The following CAPN9 variants were observed in gnomAD, a reference collection of about 807,000 sequenced individuals.
CAPN9 encodes calpain 9, also known as calpain-9.
In CAPN9, 81 loss-of-function variants were observed where a neutral mutation model predicts 92.8. The observed-to-expected ratio is 0.87, with a 90% CI of 0.73 to 1.05. The LOEUF is 1.05. Among genes scored for constraint, CAPN9 ranks in the 50% least tolerant of loss-of-function variants. The pLI, the probability that CAPN9 is intolerant of heterozygous loss-of-function variation, is 0.00. For synonymous variants in CAPN9, 304 were observed against 328.0 expected (o/e 0.93, Z 0.79); for missense variants, 848 against 866.2 (o/e 0.98, Z 0.26).
chr1:230,788,457 A>ATGAGCTG (rs1397371233), intron 13 of CAPN9, among the ~76,000 whole-genome samples: 1 of 152,172 alleles, frequency 6.6e-6, no homozygotes, highest in Non-Finnish European at 1.5e-5. Context: ...TGGAGCCATA[A>ATGAGCTG]ATACAATGAG....
intron 2 of CAPN9, among the ~76,000 whole-genome samples, chr1:230,756,570 T>A (rs1008806941): frequency 6.6e-6 from 1 of 152,172 alleles, no homozygotes; most frequent in East Asian, 1.9e-4. Flanking sequence ...GTTGACCCTT[T>A]AACAACATGA....
At chr1:230,759,686 A>G in intron 3 of CAPN9, 56 bp downstream of exon 3, 1 of 1,150,008 alleles carries the variant, frequency 8.7e-7, no homozygotes, top group Admixed American at 2.2e-5. Context: ...GCATGAGGGC[A>G]GGTGCATTTC....
chr1:230,755,365 T>C lies in CAPN9; in HGVS notation c.242T>C (p.Leu81Pro), dbSNP rs1665156513. The change falls in exon 2 of 20, where the codon CTT becomes CCT. Residue 81 changes from leucine to proline, a missense_variant. Physicochemically the swap from Leu to Pro is moderately conservative, Grantham distance 98 (BLOSUM62 -3). Transcript: ENST00000271971. ...ATCGTGAAAAACCCAGAATTCATTC[T>C]TGGAGGGGCCACCAGGACTGATATC... ...GEIVKNPEFI[L>P]GGATRTDICQ... The C allele has an allele frequency of 6.2e-7, 1 of 1,610,760 alleles. No homozygotes were observed. Among genetic ancestry groups the C allele is most frequent in the Non-Finnish European group, 8.5e-7 (1 of 1,178,628 alleles).
Position 230,801,583 on chromosome 1 carries a change from C to G in CAPN9, c.2060C>G (p.Thr687Arg). The change falls in exon 20 of 20, where the codon ACA becomes AGA. Residue 687 changes from threonine (T) to arginine (R), a missense_variant. Coordinates refer to ENST00000271971, the MANE Select transcript of CAPN9 (RefSeq NM_006615.3). ...CTCTCTTCCCAGTTCATCCATTTGA[C>G]AATGAACATCTGAGGCTGCCTTGTA... ...HLNINEFIHLTMNI is the reference protein window; with the variant it reads ...HLNINEFIHLRMNI The G allele has an allele frequency of 6.2e-7, 1 of 1,614,008 alleles. No homozygotes were observed. The highest frequency in any genetic ancestry group is 8.5e-7 in the Non-Finnish European group (1 of 1,179,892).
chr1:230,763,494 A>G (rs556398962), intron 4 of CAPN9, among the ~76,000 whole-genome samples: 1 of 152,190 alleles, frequency 6.6e-6, no homozygotes, highest in Non-Finnish European at 1.5e-5. Context: ...GGAACCAAGA[A>G]ATTCATTTTT....
rs1665486253 is a variant in CAPN9, at chr1:230,759,530, C to T, written c.302C>T (p.Ala101Val). Residue 101 changes from alanine to valine, a missense_variant, in exon 3 of 20, where the codon GCC becomes GTC. Coordinates refer to ENST00000271971, the MANE Select transcript of CAPN9 (RefSeq NM_006615.3). The stretch of plus-strand genomic sequence containing the variant: ...TTTGCAGGAGACTGCTGGCTATTAG[C>T]CGCCATCGCCTCCCTTACGCTTAAT... The part of the protein sequence containing the change: ...QGELGDCWLL[A>V]AIASLTLNQK... The T allele has an allele frequency of 1.2e-6, 2 of 1,608,634 alleles. No individual in the cohort carries two copies. The highest frequency in any genetic ancestry group is 1.7e-6 in the Non-Finnish European group (2 of 1,177,930).
At position 230,755,364 on chromosome 1, in the gene CAPN9, C is replaced by A. The variant is rs779270065; in HGVS notation, c.241C>A (p.Leu81Ile). 3 of 1,610,426 alleles carry A rather than the reference C, an allele frequency of 1.9e-6. No homozygotes were observed. The highest frequency in any genetic ancestry group is 8.5e-7 in the Non-Finnish European group (1 of 1,178,452). ...AATCGTGAAAAACCCAGAATTCATT[C>A]TTGGAGGGGCCACCAGGACTGATAT... The part of the protein sequence containing the change: ...GEIVKNPEFI[L>I]GGATRTDICQ... Residue 81 changes from leucine (L) to isoleucine (I), a missense_variant, in exon 2 of 20, where the codon CTT becomes ATT. Transcript: ENST00000271971.
intron 3 of CAPN9, 36 bp downstream of exon 3, chr1:230,759,666 C>A: frequency 1.4e-6 from 2 of 1,405,608 alleles, no homozygotes; most frequent in Non-Finnish European, 9.8e-7. Context: ...GTTTACCTCT[C>A]TGGGGCCCGG....
rs1484526421 is a variant in CAPN9 at position 230,780,679 on chromosome 1, A to T, written c.1452A>T (p.Arg484Ser). 6.2e-6 allele frequency: 10 copies of T among 1,613,954 alleles called. No homozygotes were observed. The highest frequency in any genetic ancestry group is 8.5e-6 in the Non-Finnish European group (10 of 1,180,010). Reference protein sequence around the residue: ...EPHQEADFCLRIFSEKKAITR... With the variant: ...EPHQEADFCLSIFSEKKAITR... ...ACCAGGAAGCTGATTTCTGTCTGAG[A>T]ATCTTTTCAGAGAAAAAAGCCATTA... Residue 484 changes from arginine (R) to serine (S), a missense_variant, in exon 11 of 20, where the codon AGA becomes AGT. By Grantham distance (110) the Arg-to-Ser change is moderately radical. Transcript: ENST00000271971.
intron 3 of CAPN9, among the ~76,000 whole-genome samples, chr1:230,760,979 C>T (rs888557398): frequency 2.4e-4 from 36 of 152,136 alleles, no homozygotes; most frequent in African/African-American, 8.7e-4. Context: ...GGAGCCTTGG[C>T]AATCCCCTGA....
chr1:230,770,607 G>A (rs1018745311), intron 6 of CAPN9, among the ~76,000 whole-genome samples: 8 of 152,208 alleles, frequency 5.3e-5, no homozygotes, highest in Non-Finnish European at 1.0e-4. Flanking sequence ...GCACCACCCT[G>A]ACTTCAAGGG....
chr1:230,780,871 A>T (rs541963263), intron 11 of CAPN9, among the ~76,000 whole-genome samples, 163 bp downstream of exon 11: 207 of 148,430 alleles, frequency 1.4e-3, no homozygotes, highest in African/African-American at 4.6e-3. Context: ...TTTATTATTA[A>T]TTTTTTTTTT....
rs762255776 is a variant in CAPN9 at position 230,747,482 on chromosome 1, T to C, written c.-15T>C. The C allele has an allele frequency of 1.2e-6, 2 of 1,612,382 alleles. No homozygotes were observed. The highest frequency in any genetic ancestry group is 4.5e-5 in the East Asian group (2 of 44,858). On this transcript the variant is annotated 5_prime_UTR_variant, in exon 1 of 20. Coordinates refer to ENST00000271971, the MANE Select transcript of CAPN9 (RefSeq NM_006615.3). ...ATCCACTGCCGGACCCAAGCCAGCCTTCCAGGGAGCAGCCATGCCTTACCT... is the reference window on the plus strand; with the variant it reads ...ATCCACTGCCGGACCCAAGCCAGCCCTCCAGGGAGCAGCCATGCCTTACCT...
intron 12 of CAPN9, among the ~76,000 whole-genome samples, chr1:230,787,282 C>T (rs887574649): frequency 2.6e-5 from 4 of 152,156 alleles, no homozygotes; most frequent in African/African-American, 9.7e-5. Flanking sequence ...GTCCTTTGGC[C>T]TCCTCGTCTG....
At chr1:230,754,208 C>T (rs1386345407) in intron 1 of CAPN9, among the ~76,000 whole-genome samples, 1 of 152,144 alleles carries the variant, frequency 6.6e-6, no homozygotes, top group Non-Finnish European at 1.5e-5. Context: ...GGCTTTCCCT[C>T]TCTCTTTGTT....
chr1:230,751,768 G>A (rs1173962022), intron 1 of CAPN9, among the ~76,000 whole-genome samples: 1 of 149,064 alleles, frequency 6.7e-6, no homozygotes, highest in African/African-American at 2.5e-5. Flanking sequence ...GATGTACAAG[G>A]TAAACAGAAC....
At chr1:230,792,378 C>T in intron 15 of CAPN9, 48 bp from the exon 16 acceptor site, 1 of 1,527,790 alleles carries the variant, frequency 6.5e-7, no homozygotes, top group Non-Finnish European at 9.1e-7. Flanking sequence ...CCACGAGGAG[C>T]CTCAGGTTGA....
intron 4 of CAPN9, among the ~76,000 whole-genome samples, chr1:230,763,891 G>A (rs996553849): frequency 6.6e-6 from 1 of 152,212 alleles, no homozygotes; most frequent in Non-Finnish European, 1.5e-5. Context: ...GGGACAAAGG[G>A]CACTGTTTCC....
At chr1:230,752,298 T>G (rs1664896522) in intron 1 of CAPN9, among the ~76,000 whole-genome samples, 1 of 152,116 alleles carries the variant, frequency 6.6e-6, no homozygotes, top group Admixed American at 6.5e-5. Flanking sequence ...CAGAACCCCC[T>G]GTGACTGGCA....
Sources: gnomAD v4.1 joint callset for allele counts (sites outside exome capture counted in the v4.1 genomes callset) on GRCh38, gnomAD v4.1.1 for gene constraint, MANE v1.5 for transcripts, NCBI Gene and HGNC (gene_info 2026-07-23, HGNC 2026-07-21) for gene names.